The following RYK variants were observed in gnomAD, a reference collection of about 807,000 sequenced individuals.
RYK encodes the protein receptor like tyrosine kinase.
RYK carries 21 observed loss-of-function variants against 70.2 expected under a neutral mutation model. The observed-to-expected ratio is 0.30, with a 90% CI of 0.21 to 0.43. The LOEUF is 0.43. Among genes scored for constraint, RYK ranks in the 20% least tolerant of loss-of-function variants. RYK has a pLI of 1.00. For missense variants in RYK, 604 were observed against 753.3 expected, an observed-to-expected ratio of 0.80 and a Z score of 2.32; for synonymous variants, 267 against 278.0, an observed-to-expected ratio of 0.96 and a Z score of 0.39.
chr3:134,216,406 A>G (rs1375534712), intron 2 of RYK, among the ~76,000 whole-genome samples: 1 of 151,270 alleles, frequency 6.6e-6, no homozygotes, highest in Non-Finnish European at 1.5e-5. Flanking sequence ...ATGATGACGA[A>G]TTCCTGAAAG....
intron 8 of RYK, among the ~76,000 whole-genome samples, chr3:134,189,531 C>T (rs1187916096): frequency 1.3e-5 from 2 of 152,004 alleles, no homozygotes; most frequent in Non-Finnish European, 2.9e-5. Flanking sequence ...GAGGCCGAGG[C>T]AGGCGGGTCA....
intron 5 of RYK, among the ~76,000 whole-genome samples, chr3:134,203,442 C>T (rs1294452611): frequency 6.6e-6 from 1 of 152,058 alleles, no homozygotes; most frequent in African/African-American, 2.4e-5. Flanking sequence ...CAGGAAGATG[C>T]AGAATGTGGG....
chr3:134,175,123 G>A (rs911406609), intron 13 of RYK, among the ~76,000 whole-genome samples: 1 of 152,204 alleles, frequency 6.6e-6, no homozygotes, highest in Admixed American at 6.5e-5. Context: ...ATCAACTGAG[G>A]TCAGGAGTTC....
chr3:134,247,603 G>A (rs2015498176), intron 1 of RYK, among the ~76,000 whole-genome samples: 1 of 152,032 alleles, frequency 6.6e-6, no homozygotes, highest in African/African-American at 2.4e-5. Context: ...TGGGGAGGCT[G>A]AGGCAGGAGA....
intron 2 of RYK, 52 bp downstream of exon 2, chr3:134,222,366 C>G: frequency 6.2e-7 from 1 of 1,607,334 alleles, no homozygotes; most frequent in Admixed American, 1.7e-5. Context: ...CAGCCCTTGC[C>G]TCTGTGGCTG....
At chr3:134,241,349 C>CAAA (rs34002861) in intron 1 of RYK, among the ~76,000 whole-genome samples, 2 of 129,438 alleles carry the variant, frequency 1.5e-5, no homozygotes, top group Non-Finnish European at 3.4e-5. Flanking sequence ...GACTCTATCT[C>CAAA]AAAAAAAAAA....
At chr3:134,193,040 C>G (rs2013694312) in intron 7 of RYK, among the ~76,000 whole-genome samples, 1 of 151,958 alleles carries the variant, frequency 6.6e-6, no homozygotes, top group African/African-American at 2.4e-5. Flanking sequence ...TTTCTATTGA[C>G]TTTTTTAAAA....
intron 2 of RYK, among the ~76,000 whole-genome samples, chr3:134,217,747 C>G (rs12152343): frequency 6.6e-6 from 1 of 152,144 alleles, no homozygotes; most frequent in East Asian, 1.9e-4. Context: ...GCAAGGGGAA[C>G]TAAGTGGCTG....
intron 1 of RYK, among the ~76,000 whole-genome samples, chr3:134,245,245 T>C (rs2015433552): frequency 6.6e-6 from 1 of 152,078 alleles, no homozygotes; most frequent in African/African-American, 2.4e-5. Context: ...GTAATATTGT[T>C]CATATAAAAA....
At position 134,238,573 on chromosome 3, in the gene RYK, T is replaced by A. The variant is rs887476887; in HGVS notation, c.232+11850A>T. 7.9e-5 allele frequency among the ~76,000 whole-genome samples: 12 copies of A among 152,278 alleles called. No individual in the cohort carries two copies. In the South Asian group the frequency reaches 1.5e-3, roughly 18 times the overall value. On this transcript the variant is annotated intron_variant, in intron 1 of 14. Coordinates refer to ENST00000623711, the MANE Select transcript of RYK (RefSeq NM_002958.4). The stretch of plus-strand genomic sequence containing the variant: ...AGCTTCAAGAAGACATGGAAGGGAA[T>A]CTCCTGTTCCTCCCAAGGAAAAGCC...
At chr3:134,168,787 TAATAAG>T (rs1314606658) in intron 13 of RYK, among the ~76,000 whole-genome samples, 2 of 151,914 alleles carry the variant, frequency 1.3e-5, no homozygotes, top group Non-Finnish European at 2.9e-5. Flanking sequence ...AAAATAATAA[TAATAAG>T]AAGAAGCATC....
chr3:134,174,275 C>T (rs2013023619), intron 13 of RYK, among the ~76,000 whole-genome samples: 1 of 152,162 alleles, frequency 6.6e-6, no homozygotes, highest in South Asian at 2.1e-4. Flanking sequence ...CCACGAGAGA[C>T]TATATTTCTA....
chr3:134,218,271 A>G (rs2014623198), intron 2 of RYK, among the ~76,000 whole-genome samples: 1 of 152,144 alleles, frequency 6.6e-6, no homozygotes, highest in South Asian at 2.1e-4. Flanking sequence ...GAAGCTCCCC[A>G]TTTGTTGAGC....
chr3:134,245,573 G>A (rs1234319567), intron 1 of RYK, among the ~76,000 whole-genome samples: 3 of 152,056 alleles, frequency 2.0e-5, no homozygotes, highest in African/African-American at 2.4e-5. Flanking sequence ...CTAGACAAGG[G>A]GGGAGCCACC....
At chr3:134,200,344 A>T (rs373461711) in intron 6 of RYK, among the ~76,000 whole-genome samples, 1 of 152,108 alleles carries the variant, frequency 6.6e-6, no homozygotes, top group Non-Finnish European at 1.5e-5. Flanking sequence ...TAAGAGCTAT[A>T]ACACTCACTG....
At chr3:134,209,631 A>G (rs1269198256) in intron 4 of RYK, 64 bp downstream of exon 4, 1 of 1,226,728 alleles carries the variant, frequency 8.2e-7, no homozygotes, top group East Asian at 3.0e-5. Context: ...TGAAAAAACA[A>G]CAAACTCTAT....
At position 134,175,917 on chromosome 3, in the gene RYK, T is replaced by A; in HGVS notation, c.1415+13A>T. 5.0e-6 allele frequency: 8 copies of A among 1,586,946 alleles called. No homozygotes were observed. Among genetic ancestry groups the A allele is most frequent in the African/African-American group, 1.3e-5 (1 of 74,550 alleles). ...TCTACATCAAGTGACAGCGTCAAGC[T>A]CATGGCACCTACACACAGTTCCTGG... is the stretch of plus-strand genomic sequence containing the variant. On this transcript the variant is annotated intron_variant, in intron 12 of 14. Coordinates refer to ENST00000623711, the MANE Select transcript of RYK (RefSeq NM_002958.4).
intron 1 of RYK, among the ~76,000 whole-genome samples, chr3:134,249,429 TCAAA>T (rs1020668194): frequency 2.6e-5 from 4 of 152,178 alleles, no homozygotes; most frequent in South Asian, 4.1e-4. Flanking sequence ...ATTTTTCCCC[TCAAA>T]CACTCAGAAG....
intron 2 of RYK, 73 bp from the exon 3 acceptor site, chr3:134,211,680 A>C: frequency 1.0e-6 from 1 of 960,762 alleles, no homozygotes; most frequent in African/African-American, 1.6e-5. Flanking sequence ...GACTTCATTA[A>C]TTGGCTCATT....
Sources: allele counts gnomAD v4.1 joint callset (sites outside exome capture counted in the v4.1 genomes callset), GRCh38; gene constraint gnomAD v4.1.1; transcripts MANE v1.5; gene names NCBI Gene and HGNC (gene_info 2026-07-23, HGNC 2026-07-21).